The following XKRX variants were observed in gnomAD, a reference collection of about 807,000 sequenced individuals.
XKRX encodes the protein XK related X-linked.
XKRX carries 11 observed loss-of-function variants against 22.4 expected under a neutral mutation model. That is an observed-to-expected ratio of 0.49 (90% CI 0.31 to 0.81). The LOEUF (loss-of-function observed/expected upper bound fraction) is 0.81, where lower values mean the gene tolerates loss of function less well. Ranked by LOEUF, XKRX falls within the 40% of genes least tolerant of loss-of-function variation. The probability of loss-of-function intolerance (pLI) is 0.05; values close to 1 mark genes in which losing one functional copy is unlikely to be tolerated. For synonymous variants in XKRX, 114 were observed against 132.2 expected, an observed-to-expected ratio of 0.86 and a Z score of 0.94; for missense variants, 320 against 336.5, an observed-to-expected ratio of 0.95 and a Z score of 0.38.
At chrX:100,901,070 G>A in the XKRX span, among the ~76,000 whole-genome samples, 2 of 111,250 alleles carry the variant, frequency 1.8e-5, no homozygotes, top group Admixed American at 9.6e-5. Context: ...GATTACAGGC[G>A]TGAGCCACCG....
chrX:100,952,377 G>A, the XKRX span, among the ~76,000 whole-genome samples: 103 of 109,204 alleles, frequency 9.4e-4, 2 homozygotes, highest in African/African-American at 3.3e-3. Context: ...CAGTGGCAGT[G>A]GCATGGGGGT....
chrX:100,906,832 T>C, the XKRX span, among the ~76,000 whole-genome samples: 1 of 111,778 alleles, frequency 8.9e-6, no homozygotes. Flanking sequence ...CTGAAGCTGC[T>C]TTCTCGCATT....
chrX:100,917,665 GAAA>G (rs2085447302), intron 2 of XKRX, among the ~76,000 whole-genome samples: 2 of 47,288 alleles, frequency 4.2e-5, no homozygotes, highest in Non-Finnish European at 7.3e-5. Context: ...AAGAAAGAAA[GAAA>G]GAAAGAAAAG....
At chrX:100,922,395 A>T in intron 2 of XKRX, among the ~76,000 whole-genome samples, 1 of 112,141 alleles carries the variant, frequency 8.9e-6, no homozygotes, top group Non-Finnish European at 1.9e-5. Flanking sequence ...GCAAGGGAAA[A>T]TATCCTACTG....
the XKRX span, among the ~76,000 whole-genome samples, chrX:100,945,963 T>G: frequency 9.1e-6 from 1 of 110,487 alleles, no homozygotes; most frequent in Non-Finnish European, 1.9e-5. Context: ...GGCGGACGAA[T>G]CACCTGAGGT....
chrX:100,919,614 A>C (rs957535679), intron 2 of XKRX, among the ~76,000 whole-genome samples: 1 of 112,130 alleles, frequency 8.9e-6, no homozygotes, highest in Non-Finnish European at 1.9e-5. Flanking sequence ...ATAAACAAGC[A>C]ATTCACAGAA....
chrX:100,924,133 T>C (rs2085488748), intron 1 of XKRX, among the ~76,000 whole-genome samples: 1 of 108,186 alleles, frequency 9.2e-6, no homozygotes, highest in Admixed American at 1.0e-4. Context: ...ATTACAGGCA[T>C]GAGCCACTGC....
the XKRX span, among the ~76,000 whole-genome samples, chrX:100,902,656 C>A: frequency 9.0e-6 from 1 of 111,674 alleles, no homozygotes; most frequent in Non-Finnish European, 1.9e-5. Flanking sequence ...CCTATTAATA[C>A]ATACAGAAAA....
chrX:100,930,214 G>A (rs1372847320), upstream of XKRX, among the ~76,000 whole-genome samples: 1 of 108,418 alleles, frequency 9.2e-6, no homozygotes, highest in African/African-American at 3.4e-5. Flanking sequence ...ACTTGAACCC[G>A]GACGGCAGAG....
intron 1 of XKRX, among the ~76,000 whole-genome samples, chrX:100,924,735 G>T (rs769884981): frequency 1.7e-4 from 19 of 112,112 alleles, no homozygotes; most frequent in African/African-American, 6.1e-4. Context: ...AGAAATATTT[G>T]CTGAGTAAAT....
At chrX:100,897,913 A>T in the XKRX span, among the ~76,000 whole-genome samples, 1 of 110,395 alleles carries the variant, frequency 9.1e-6, no homozygotes, top group Non-Finnish European at 1.9e-5. Flanking sequence ...AGGGGATTCT[A>T]CTGGCCAATG....
chrX:100,945,579 T>C, the XKRX span, among the ~76,000 whole-genome samples: 1 of 111,633 alleles, frequency 9.0e-6, no homozygotes, highest in African/African-American at 3.3e-5. Flanking sequence ...GAACATGAGC[T>C]ATGCAGTCAG....
chrX:100,930,846 A>G (rs781727884), upstream of XKRX, among the ~76,000 whole-genome samples: 1 of 110,388 alleles, frequency 9.1e-6, no homozygotes, highest in South Asian at 3.9e-4. Context: ...AACATGAGAG[A>G]GTCAGCCGGG....
the XKRX span, chrX:100,957,398 C>T: frequency 1.4e-5 from 17 of 1,205,123 alleles, no homozygotes; most frequent in South Asian, 1.6e-4. Context: ...AGCTGACCCC[C>T]GAGCAGTACC....
the XKRX span, among the ~76,000 whole-genome samples, chrX:100,892,582 A>C: frequency 5.3e-5 from 6 of 113,015 alleles, no homozygotes; most frequent in African/African-American, 1.6e-4. Context: ...AATAATGTCC[A>C]CCATCGCTAA....
chrX:100,899,979 A>G, the XKRX span, among the ~76,000 whole-genome samples: 1 of 112,187 alleles, frequency 8.9e-6, no homozygotes, highest in African/African-American at 3.2e-5. Flanking sequence ...TCATTTTTGC[A>G]GAAATGGAAA....
chrX:100,895,515 C>T, the XKRX span, among the ~76,000 whole-genome samples: 70 of 111,531 alleles, frequency 6.3e-4, no homozygotes, highest in Non-Finnish European at 1.1e-3. Context: ...TAGGTAAAGT[C>T]GACATTTCCG....
At chrX:100,924,014 T>C (rs1189784796) in intron 1 of XKRX, among the ~76,000 whole-genome samples, 6 of 102,364 alleles carry the variant, frequency 5.9e-5, no homozygotes, top group African/African-American at 2.1e-4. Flanking sequence ...GGTTTTTTTT[T>C]TTTTTTTTTG....
intron 2 of XKRX, among the ~76,000 whole-genome samples, chrX:100,920,842 C>T (rs904268031): frequency 9.0e-6 from 1 of 111,293 alleles, no homozygotes; most frequent in Non-Finnish European, 1.9e-5. Context: ...TCACTGCAAC[C>T]TCCACCTCCC....
Sources: allele counts gnomAD v4.1 joint callset (sites outside exome capture counted in the v4.1 genomes callset), GRCh38; gene constraint gnomAD v4.1.1; transcripts MANE v1.5; gene names NCBI Gene and HGNC (gene_info 2026-07-23, HGNC 2026-07-21).